Variants in TCF7L1 observed in about 807,000 individuals in gnomAD.
The protein encoded by TCF7L1 is transcription factor 7 like 1.
In TCF7L1, 18 loss-of-function variants were observed where a neutral mutation model predicts 63.7. That is an observed-to-expected ratio of 0.28 (90% confidence interval 0.20 to 0.42). The LOEUF is 0.42. Among genes scored for constraint, TCF7L1 ranks in the 10% least tolerant of loss-of-function variants. TCF7L1 has a pLI of 1.00. For missense variants in TCF7L1, 654 were observed against 779.3 expected (o/e 0.84, Z 1.91); for synonymous variants, 355 against 340.9 (o/e 1.04, Z -0.46).
chr2:85,175,715 A>G, intron 3 of TCF7L1, among the ~76,000 whole-genome samples: 1 of 152,254 alleles, frequency 6.6e-6, no homozygotes, highest in East Asian at 1.9e-4. Context: ...GAAAAAAAGA[A>G]CATTAAAATA....
At chr2:85,244,293 C>G (rs1159031210) in intron 3 of TCF7L1, among the ~76,000 whole-genome samples, 1 of 152,150 alleles carries the variant, frequency 6.6e-6, no homozygotes, top group Non-Finnish European at 1.5e-5. Flanking sequence ...GGGTCTTGAG[C>G]AGAAAGGTGA....
intron 3 of TCF7L1, chr2:85,166,842 T>G (rs1678429536): frequency 6.6e-6 from 1 of 152,180 alleles, no homozygotes; most frequent in Non-Finnish European, 1.5e-5. Flanking sequence ...CAAAAGATAA[T>G]AATGTTCATA....
At chr2:85,158,698 C>T (rs1014097040) in intron 3 of TCF7L1, among the ~76,000 whole-genome samples, 3 of 152,162 alleles carry the variant, frequency 2.0e-5, no homozygotes, top group East Asian at 1.9e-4. Flanking sequence ...TCTACATGTC[C>T]AGCTTTAAGA....
At chr2:85,153,620 C>G (rs924901211) in intron 3 of TCF7L1, among the ~76,000 whole-genome samples, 1 of 152,100 alleles carries the variant, frequency 6.6e-6, no homozygotes, top group Admixed American at 6.5e-5. Context: ...GGATTACAGG[C>G]GTGAGCCACT....
At chr2:85,278,964 T>G (rs556183645) in intron 3 of TCF7L1, among the ~76,000 whole-genome samples, 1 of 152,360 alleles carries the variant, frequency 6.6e-6, no homozygotes, top group South Asian at 2.1e-4. Context: ...CATCACCATT[T>G]CAATGTGTTA....
intron 3 of TCF7L1, among the ~76,000 whole-genome samples, chr2:85,230,422 C>G (rs551867642): frequency 6.6e-6 from 1 of 151,054 alleles, no homozygotes; most frequent in Admixed American, 6.6e-5. Flanking sequence ...CAACCTCCAC[C>G]TCCTGGGTTC....
chr2:85,289,919 GCA>G (rs1681652081), intron 4 of TCF7L1, among the ~76,000 whole-genome samples: 5 of 148,720 alleles, frequency 3.4e-5, no homozygotes, highest in Non-Finnish European at 5.9e-5. Context: ...CGGGATCCGC[GCA>G]CCTCAGCCTC....
chr2:85,284,818 G>A (rs918073926), intron 4 of TCF7L1, among the ~76,000 whole-genome samples: 2 of 152,200 alleles, frequency 1.3e-5, no homozygotes, highest in African/African-American at 2.4e-5. Flanking sequence ...TTTTAAAGAT[G>A]TATCAAAGTA....
At chr2:85,151,173 G>A (rs551649557) in intron 3 of TCF7L1, among the ~76,000 whole-genome samples, 13 of 152,222 alleles carry the variant, frequency 8.5e-5, no homozygotes, top group South Asian at 2.1e-4. Context: ...TTTTCCTTAC[G>A]AAATGTTGAG....
Position 85,266,313 on chromosome 2 carries a change from A to G in TCF7L1, c.442-17182A>G, listed in dbSNP as rs111862268. ...GACTTGATACATACTTCCAAATTGC[A>G]CAAGACAGGATTTACTAATTTACTT... On this transcript the variant is annotated intron_variant, in intron 3 of 11. Transcript: ENST00000282111. Among the ~76,000 whole-genome samples the G allele has an allele frequency of 9.7e-3, 1,473 of 152,346 alleles. 20 individuals are homozygous for G. Among genetic ancestry groups the G allele is most frequent in the African/African-American group, 0.034 (1,411 of 41,570 alleles).
At chr2:85,241,430 T>A (rs920830483) in intron 3 of TCF7L1, among the ~76,000 whole-genome samples, 3 of 128,446 alleles carry the variant, frequency 2.3e-5, no homozygotes, top group Non-Finnish European at 4.7e-5. Context: ...GGATGCACTT[T>A]GTTTTTGTTT....
chr2:85,259,430 C>T (rs147662912), intron 3 of TCF7L1, among the ~76,000 whole-genome samples: 126 of 152,250 alleles, frequency 8.3e-4, no homozygotes, highest in African/African-American at 2.9e-3. Flanking sequence ...GCAAATTGTT[C>T]GCATTCATTT....
chr2:85,278,804 T>C (rs1180897873), intron 3 of TCF7L1, among the ~76,000 whole-genome samples: 1 of 152,244 alleles, frequency 6.6e-6, no homozygotes, highest in East Asian at 1.9e-4. Flanking sequence ...TCACAACATA[T>C]GTAAATCGAA....
intron 4 of TCF7L1, among the ~76,000 whole-genome samples, chr2:85,289,121 A>G (rs976437471): frequency 7.9e-5 from 12 of 152,306 alleles, no homozygotes; most frequent in Middle Eastern, 3.4e-3. Context: ...AAAGTAATGC[A>G]TGCACTGTGT....
intron 3 of TCF7L1, among the ~76,000 whole-genome samples, chr2:85,191,508 C>T (rs1449550423): frequency 6.6e-6 from 1 of 152,172 alleles, no homozygotes; most frequent in African/African-American, 2.4e-5. Context: ...ATGCTGTGTG[C>T]TCTGTACTAC....
chr2:85,215,783 G>A (rs1202449084), intron 3 of TCF7L1, among the ~76,000 whole-genome samples: 2 of 146,616 alleles, frequency 1.4e-5, no homozygotes, highest in East Asian at 2.1e-4. Context: ...GGGGTGAGGG[G>A]GGTGGTGAGG....
chr2:85,279,329 C>A (rs74901649), intron 3 of TCF7L1, among the ~76,000 whole-genome samples: 1 of 152,062 alleles, frequency 6.6e-6, no homozygotes, highest in Non-Finnish European at 1.5e-5. Flanking sequence ...GAGAGCAAGG[C>A]GGGAGGATTG....
At chr2:85,187,132 C>T (rs111590719) in intron 3 of TCF7L1, 5 of 152,088 alleles carry the variant, frequency 3.3e-5, no homozygotes, top group African/African-American at 1.2e-4. Context: ...TTCCTCTTAC[C>T]CCTCCCACCC....
intron 3 of TCF7L1, among the ~76,000 whole-genome samples, chr2:85,239,762 A>G (rs9653568): frequency 0.49 from 74,749 of 151,604 alleles, 20,342 homozygotes; most frequent in African/African-American, 0.72. Context: ...GACCAACATG[A>G]TGAAACCCCA....
Sources: gnomAD v4.1 joint callset for allele counts (sites outside exome capture counted in the v4.1 genomes callset) on GRCh38, gnomAD v4.1.1 for gene constraint, MANE v1.5 for transcripts, NCBI Gene and HGNC (gene_info 2026-07-23, HGNC 2026-07-21) for gene names.